PRUNE1: variants seen among roughly 807,000 people sequenced by gnomAD.
PRUNE1 encodes exopolyphosphatase PRUNE1.
Under a neutral mutation model 42.5 loss-of-function variants are expected in PRUNE1, and 25 were observed. The observed-to-expected ratio is 0.59, with a 90% confidence interval of 0.43 to 0.82. The LOEUF is 0.82. Among genes scored for constraint, PRUNE1 ranks in the 40% least tolerant of loss-of-function variants. The probability of loss-of-function intolerance (pLI) is 0.00; values close to 1 mark genes in which losing one functional copy is unlikely to be tolerated. For missense variants in PRUNE1, 443 were observed against 539.3 expected (o/e 0.82, Z 1.77); for synonymous variants, 203 against 217.1 (o/e 0.93, Z 0.57).
At chr1:151,010,887 C>T (rs1156347250) in intron 1 of PRUNE1, among the ~76,000 whole-genome samples, 2 of 152,024 alleles carry the variant, frequency 1.3e-5, no homozygotes, top group Non-Finnish European at 2.9e-5. Context: ...AACTCCTGAC[C>T]TCAAGTGATA....
intron 5 of PRUNE1, among the ~76,000 whole-genome samples, chr1:151,026,328 T>G (rs967749455): frequency 3.3e-5 from 5 of 151,800 alleles, no homozygotes; most frequent in Admixed American, 6.6e-5. Flanking sequence ...CGTGGTGGTG[T>G]GTGCCTGTAA....
chr1:151,018,753 T>G lies in PRUNE1; in HGVS notation c.335+84T>G, dbSNP rs931115650. 1.6e-5 allele frequency: 21 copies of G among 1,324,432 alleles called. No homozygotes were observed. In the Admixed American group the frequency reaches 4.0e-4, roughly 25 times the overall value. The allele number at this position is 1,324,432 out of a possible 1,614,324, so 82.0% of individuals were successfully genotyped here. A position where few individuals can be genotyped will look rare whatever the true frequency, so the allele number is the denominator to read the frequency against. ...GAGATATAAAGAGAGGAAGAAAGAG[T>G]TTTTGCTGGCTGGGCATGGTGGCTC... On this transcript the variant is annotated intron_variant, in intron 3 of 7. Coordinates refer to ENST00000271620, the MANE Select transcript of PRUNE1 (RefSeq NM_021222.3).
At chr1:151,027,378 A>G in intron 6 of PRUNE1, 51 bp downstream of exon 6, 1 of 1,349,328 alleles carries the variant, frequency 7.4e-7, no homozygotes, top group Non-Finnish European at 1.1e-6. Flanking sequence ...TTAGCTATGC[A>G]TGTTATGCAT....
intron 1 of PRUNE1, among the ~76,000 whole-genome samples, chr1:151,013,563 C>T (rs1469584719): frequency 6.6e-6 from 1 of 152,174 alleles, no homozygotes; most frequent in African/African-American, 2.4e-5. Flanking sequence ...AGTGAAGCAA[C>T]ACTGATGTAA....
At chr1:151,026,202 A>G (rs1674826683) in intron 5 of PRUNE1, among the ~76,000 whole-genome samples, 1 of 150,808 alleles carries the variant, frequency 6.6e-6, no homozygotes, top group Non-Finnish European at 1.5e-5. Flanking sequence ...CACGCCTGTA[A>G]TCCCAACACT....
intron 7 of PRUNE1, among the ~76,000 whole-genome samples, chr1:151,030,871 G>A (rs989732923): frequency 2.6e-5 from 4 of 152,186 alleles, no homozygotes; most frequent in Non-Finnish European, 5.9e-5. Context: ...AGGCAAGTCA[G>A]TTGACTTCTG....
rs764540867 is a variant in PRUNE1, at chr1:151,017,819, G to A, written c.47G>A (p.Arg16Gln). 158 of 1,586,772 alleles carry A rather than the reference G, an allele frequency of 1.0e-4. 1 individual carries two copies. The Admixed American group carries it at 2.2e-3, about 23-fold the overall frequency. Residue 16 changes from arginine to glutamine, a missense_variant, in exon 2 of 8, where the codon CGA (arginine) becomes CAA (glutamine). Physicochemically the swap from Arg to Gln is conservative, Grantham distance 43. Transcript: ENST00000271620. Reference sequence around the variant, plus strand: ...ATTTTCCTTTCTCTCCAGGAGTCCCGACCTCTACATGTTGTGCTGGGAAAT... The same window carrying A: ...ATTTTCCTTTCTCTCCAGGAGTCCCAACCTCTACATGTTGTGCTGGGAAAT... Reference protein sequence around the residue: ...QGCRAALQESRPLHVVLGNEA... With the variant: ...QGCRAALQESQPLHVVLGNEA...
intron 7 of PRUNE1, among the ~76,000 whole-genome samples, chr1:151,033,012 G>A (rs1420964760): frequency 6.6e-6 from 1 of 152,004 alleles, no homozygotes; most frequent in Non-Finnish European, 1.5e-5. Flanking sequence ...GACCTCAGGT[G>A]ATCCGCCCAC....
chr1:151,008,733 G>T (rs1673517034), intron 1 of PRUNE1, 62 bp downstream of exon 1: 1 of 1,593,724 alleles, frequency 6.3e-7, no homozygotes, highest in South Asian at 1.1e-5. Flanking sequence ...GGACGAAGAC[G>T]TGGGATCTGG....
At chr1:151,026,019 G>A (rs1291204721) in intron 5 of PRUNE1, among the ~76,000 whole-genome samples, 1 of 151,864 alleles carries the variant, frequency 6.6e-6, no homozygotes, top group Admixed American at 6.6e-5. Context: ...GGGATTACAG[G>A]CATGAGCCAC....
chr1:151,023,995 A>C (rs1204956510), intron 3 of PRUNE1, among the ~76,000 whole-genome samples: 1 of 152,098 alleles, frequency 6.6e-6, no homozygotes, highest in Non-Finnish European at 1.5e-5. Flanking sequence ...AGCCTGACCA[A>C]CATGGTGAAA....
At chr1:151,024,535 G>C in intron 3 of PRUNE1, 76 bp from the exon 4 acceptor site, 1 of 1,367,544 alleles carries the variant, frequency 7.3e-7, no homozygotes, top group African/African-American at 1.4e-5. Flanking sequence ...GATGTGTGGG[G>C]TAGAGGTTGG....
intron 7 of PRUNE1, among the ~76,000 whole-genome samples, chr1:151,030,396 C>G (rs113693755): frequency 1.3e-5 from 2 of 152,116 alleles, no homozygotes; most frequent in Admixed American, 1.3e-4. Flanking sequence ...TCTGTCCTTT[C>G]CCGCCCCCCT....
At chr1:151,011,883 A>G (rs1673792117) in intron 1 of PRUNE1, among the ~76,000 whole-genome samples, 1 of 151,268 alleles carries the variant, frequency 6.6e-6, no homozygotes, top group South Asian at 2.1e-4. Context: ...GGTTCAAGTG[A>G]TTTTCCTGCC....
chr1:151,028,322 C>T (rs1675007981), intron 6 of PRUNE1, among the ~76,000 whole-genome samples: 1 of 152,038 alleles, frequency 6.6e-6, no homozygotes, highest in Non-Finnish European at 1.5e-5. Context: ...TCACTGCAAC[C>T]TCTGCCTCCC....
At chr1:151,022,291 G>A (rs1316524448) in intron 3 of PRUNE1, among the ~76,000 whole-genome samples, 1 of 150,730 alleles carries the variant, frequency 6.6e-6, no homozygotes, top group Non-Finnish European at 1.5e-5. Context: ...TGTATTTTTA[G>A]TAGAGACGGG....
At position 151,029,351 on chromosome 1, in the gene PRUNE1, G is replaced by A. The variant is rs774331182; in HGVS notation, c.933+407G>A. ...CTCGGGAGGCTGATGCAGAAGGATT[G>A]CTTAAGCTGGAAAGTTTTTTTTTTT... On this transcript the variant is annotated intron_variant, in intron 7 of 7. Coordinates refer to ENST00000271620, the MANE Select transcript of PRUNE1 (RefSeq NM_021222.3). 8.3e-5 allele frequency among the ~76,000 whole-genome samples: 12 copies of A among 145,144 alleles called. No individual in the cohort carries two copies. In the South Asian group the frequency reaches 1.4e-3, roughly 17 times the overall value.
At chr1:151,031,193 G>GTGTGTT (rs1553254659) in intron 7 of PRUNE1, among the ~76,000 whole-genome samples, 2 of 119,528 alleles carry the variant, frequency 1.7e-5, no homozygotes, top group Admixed American at 9.8e-5. Flanking sequence ...GTGTGTGTGT[G>GTGTGTT]TTTTTTTTTT....
chr1:151,028,122 C>T (rs747125004), intron 6 of PRUNE1, among the ~76,000 whole-genome samples: 4 of 126,250 alleles, frequency 3.2e-5, no homozygotes, highest in Admixed American at 2.2e-4. Flanking sequence ...CTGGCTCCTT[C>T]TTAACATTCA....
Sources: allele counts gnomAD v4.1 joint callset (sites outside exome capture counted in the v4.1 genomes callset), GRCh38; gene constraint gnomAD v4.1.1; transcripts MANE v1.5; gene names NCBI Gene and HGNC (gene_info 2026-07-23, HGNC 2026-07-21).